Variants in NR3C1 observed in about 807,000 individuals in gnomAD.
The protein encoded by NR3C1 is nuclear receptor subfamily 3 group C member 1, also known as glucocorticoid receptor.
Under a neutral mutation model 74.0 loss-of-function variants are expected in NR3C1, and 14 were observed. The ratio of observed to expected loss-of-function variants is 0.19; its 90% CI spans 0.12 to 0.30. The LOEUF is 0.30. NR3C1 is among the 10% of genes least tolerant of loss of function. The pLI is 1.00. For synonymous variants in NR3C1, 308 were observed against 332.5 expected, an observed-to-expected ratio of 0.93 and a Z score of 0.80; for missense variants, 695 against 909.8, an observed-to-expected ratio of 0.76 and a Z score of 3.04.
chr5:143,321,311 T>A (rs1281830811), intron 2 of NR3C1, among the ~76,000 whole-genome samples: 2 of 152,194 alleles, frequency 1.3e-5, no homozygotes, highest in Non-Finnish European at 2.9e-5. Context: ...TTTCTCTCAC[T>A]ATATTTAGTA....
intron 3 of NR3C1, among the ~76,000 whole-genome samples, 170 bp from the exon 4 acceptor site, chr5:143,310,383 A>G (rs1205682169): frequency 1.3e-5 from 2 of 152,236 alleles, no homozygotes; most frequent in Non-Finnish European, 2.9e-5. Flanking sequence ...GTCAAAAACA[A>G]CAAAAAGAGT....
At chr5:143,368,908 T>C (rs2151846745) in intron 2 of NR3C1, among the ~76,000 whole-genome samples, 1 of 152,104 alleles carries the variant, frequency 6.6e-6, no homozygotes, top group South Asian at 2.1e-4. Context: ...CTCTGCAGAG[T>C]CCCAAGGTGA....
upstream of NR3C1, chr5:143,404,604 G>T (rs1053176847): frequency 6.0e-6 from 2 of 332,262 alleles, no homozygotes; most frequent in Non-Finnish European, 7.4e-6. Flanking sequence ...CACCCCTCCC[G>T]CCCAATGTGC....
rs1599628404 is a variant in NR3C1, at chr5:143,279,482, T to G, written c.*2407A>C. ...TTAACACTGTCATTGATAAGAATAT[T>G]CAAGCAGTTTTCTTAGGCACCAAAA... On this transcript the variant is annotated 3_prime_UTR_variant, in exon 9 of 9. Transcript: ENST00000394464. The G allele has an allele frequency of 7.0e-7, 1 of 1,428,466 alleles. No individual in the cohort carries two copies. Among genetic ancestry groups the G allele is most frequent in the East Asian group, 2.8e-5 (1 of 35,760 alleles). The allele number at this position is 1,428,466 out of a possible 1,614,324, so 88.5% of individuals were successfully genotyped here. A position where few individuals can be genotyped will look rare whatever the true frequency, so the allele number is the denominator to read the frequency against.
At chr5:143,287,759 T>G (rs967491857) in intron 7 of NR3C1, among the ~76,000 whole-genome samples, 20 of 152,238 alleles carry the variant, frequency 1.3e-4, no homozygotes, top group Admixed American at 1.2e-3. Flanking sequence ...ATCAGCAAAA[T>G]ATTAGCAAAC....
intron 3 of NR3C1, among the ~76,000 whole-genome samples, chr5:143,312,420 A>G (rs1284481425): frequency 6.6e-6 from 1 of 152,206 alleles, no homozygotes; most frequent in Non-Finnish European, 1.5e-5. Flanking sequence ...GTTACTCCAC[A>G]GAGACCACAA....
chr5:143,326,526 C>G (rs1300356240), intron 2 of NR3C1, among the ~76,000 whole-genome samples: 1 of 152,056 alleles, frequency 6.6e-6, no homozygotes, highest in African/African-American at 2.4e-5. Flanking sequence ...AACATGAAGA[C>G]TACATTTCAA....
Position 143,279,441 on chromosome 5 carries a change from A to C in NR3C1, c.*2448T>G. 6.7e-7 allele frequency: 1 copy of C among 1,498,040 alleles called. No individual in the cohort carries two copies. The highest frequency in any genetic ancestry group is 1.4e-5 in the South Asian group (1 of 72,238). 92.8% of individuals were successfully genotyped at this position (1,498,040 alleles called of 1,614,324 possible). On this transcript the variant is annotated 3_prime_UTR_variant, in exon 9 of 9. Transcript: ENST00000394464. ...AAAGGAATGATAATCTACGTTTTAG[A>C]AGCTCTTTTTGAAACTTAACACTGT...
intron 2 of NR3C1, among the ~76,000 whole-genome samples, chr5:143,377,327 TCAGGC>T (rs1835384228): frequency 6.6e-6 from 1 of 152,190 alleles, no homozygotes; most frequent in Non-Finnish European, 1.5e-5. Context: ...GCAACTTGCC[TCAGGC>T]TAGCCTTAGG....
chr5:143,355,808 TTAA>T (rs1352403611), intron 2 of NR3C1, among the ~76,000 whole-genome samples: 1 of 152,194 alleles, frequency 6.6e-6, no homozygotes, highest in African/African-American at 2.4e-5. Flanking sequence ...TATGAAATAC[TTAA>T]TAATTAGTAC....
chr5:143,418,813 G>C (rs1022443174), intron 1 of NR3C1, among the ~76,000 whole-genome samples: 2 of 152,166 alleles, frequency 1.3e-5, no homozygotes, highest in Non-Finnish European at 2.9e-5. Context: ...GCTTGGACGA[G>C]GGCAGAACTA....
chr5:143,280,107 C>T lies in NR3C1; in HGVS notation c.*1782G>A, dbSNP rs1812873893. 1.3e-5 allele frequency: 2 copies of T among 152,600 alleles called. No homozygotes were observed. Among genetic ancestry groups the T allele is most frequent in the African/African-American group, 4.8e-5 (2 of 41,444 alleles). The allele number at this position is 152,600 out of a possible 1,614,324, so 9.5% of individuals were successfully genotyped here. A position where few individuals can be genotyped will look rare whatever the true frequency, so the allele number is the denominator to read the frequency against. ...TCCCCTAGAGCAAACTGTTTGGTTT[C>T]TGAGACCATCGCTGCCTGTATGAAT... On this transcript the variant is annotated 3_prime_UTR_variant, in exon 9 of 9. Coordinates refer to ENST00000394464, the MANE Select transcript of NR3C1 (RefSeq NM_000176.3).
At chr5:143,364,183 T>C (rs1561677167) in intron 2 of NR3C1, among the ~76,000 whole-genome samples, 2 of 152,092 alleles carry the variant, frequency 1.3e-5, no homozygotes, top group Non-Finnish European at 2.9e-5. Context: ...CTCAATAAGA[T>C]TAACAGTTGA....
intron 3 of NR3C1, among the ~76,000 whole-genome samples, chr5:143,311,788 G>A (rs962088551): frequency 4.3e-4 from 51 of 119,412 alleles, no homozygotes; most frequent in Non-Finnish European, 6.4e-4. Context: ...CCTGGATAAC[G>A]TTTTTTTTTT....
intron 2 of NR3C1, among the ~76,000 whole-genome samples, chr5:143,348,926 A>C (rs138813340): frequency 1.3e-5 from 2 of 152,176 alleles, no homozygotes; most frequent in African/African-American, 4.8e-5. Flanking sequence ...ATTATTGACA[A>C]AGGAAAACAT....
At chr5:143,322,675 C>A (rs1310775044) in intron 2 of NR3C1, among the ~76,000 whole-genome samples, 1 of 152,126 alleles carries the variant, frequency 6.6e-6, no homozygotes, top group African/African-American at 2.4e-5. Context: ...AATGGAAATG[C>A]AGAACAGTTG....
intron 2 of NR3C1, among the ~76,000 whole-genome samples, chr5:143,358,709 C>T (rs1831633557): frequency 6.6e-6 from 1 of 151,970 alleles, no homozygotes; most frequent in Non-Finnish European, 1.5e-5. Context: ...CGAGACCAGC[C>T]TGACCAACAT....
chr5:143,408,256 T>C (rs913488260), upstream of NR3C1, among the ~76,000 whole-genome samples: 3 of 152,178 alleles, frequency 2.0e-5, no homozygotes, highest in Non-Finnish European at 4.4e-5. Flanking sequence ...AATGTAACCT[T>C]GGGCAGGCTA....
At chr5:143,385,296 A>C (rs1164731974) in intron 2 of NR3C1, among the ~76,000 whole-genome samples, 1 of 152,202 alleles carries the variant, frequency 6.6e-6, no homozygotes, top group East Asian at 1.9e-4. Flanking sequence ...CATGCCCTGG[A>C]AACATTTTCC....
Sources: allele counts gnomAD v4.1 joint callset (sites outside exome capture counted in the v4.1 genomes callset), GRCh38; gene constraint gnomAD v4.1.1; transcripts MANE v1.5; gene names NCBI Gene and HGNC (gene_info 2026-07-23, HGNC 2026-07-21).